DNAI7: variants seen among roughly 807,000 people sequenced by gnomAD.
The protein encoded by DNAI7 is dynein axonemal intermediate chain 7, also known as cancer susceptibility 1.
In DNAI7, 78 loss-of-function variants were observed where a neutral mutation model predicts 86.6. The ratio of observed to expected loss-of-function variants is 0.90; its 90% confidence interval spans 0.75 to 1.09. The LOEUF (loss-of-function observed/expected upper bound fraction) is 1.09, where lower values mean the gene tolerates loss of function less well. DNAI7 is among the 50% of genes least tolerant of loss of function. DNAI7 has a pLI of 0.00. For missense variants in DNAI7, 753 were observed against 810.2 expected (o/e 0.93, Z 0.86); for synonymous variants, 274 against 273.0 (o/e 1.00, Z -0.04).
chr12:25,145,590 G>T (rs1337912392), intron 8 of DNAI7, among the ~76,000 whole-genome samples: 9 of 151,966 alleles, frequency 5.9e-5, no homozygotes, highest in South Asian at 2.1e-4. Flanking sequence ...CAAAAAGTTG[G>T]TTTTTTTGTT....
intron 2 of DNAI7, among the ~76,000 whole-genome samples, chr12:25,178,648 A>G (rs548173869): frequency 2.0e-5 from 3 of 152,300 alleles, no homozygotes; most frequent in Non-Finnish European, 2.9e-5. Context: ...ACAATATACT[A>G]AAATTTAAAA....
chr12:25,163,989 C>T (rs1011758278), intron 2 of DNAI7, among the ~76,000 whole-genome samples: 1 of 152,214 alleles, frequency 6.6e-6, no homozygotes, highest in African/African-American at 2.4e-5. Flanking sequence ...TGTTTAATCA[C>T]GTGGGGATGG....
At chr12:25,169,632 G>A (rs769526077) in intron 2 of DNAI7, among the ~76,000 whole-genome samples, 5 of 152,192 alleles carry the variant, frequency 3.3e-5, no homozygotes, top group African/African-American at 9.6e-5. Context: ...GGGATCACCT[G>A]AGGTCAGGAG....
chr12:25,184,510 T>C (rs1338370277), intron 2 of DNAI7, among the ~76,000 whole-genome samples: 1 of 152,204 alleles, frequency 6.6e-6, no homozygotes, highest in African/African-American at 2.4e-5. Context: ...TTTTGTTTAT[T>C]GATTAATCAA....
At position 25,129,315 on chromosome 12, in the gene DNAI7, G is replaced by A. The variant is rs370018494; in HGVS notation, c.1003-6029C>T. Among the ~76,000 whole-genome samples, 26 of 152,230 alleles carry A rather than the reference G, an allele frequency of 1.7e-4. No homozygotes were observed. In the East Asian group the frequency reaches 2.9e-3, roughly 17 times the overall value. On this transcript the variant is annotated intron_variant, in intron 9 of 15. Transcript: ENST00000395987. The stretch of plus-strand genomic sequence containing the variant: ...ATTGTTGATTTCTCCTAACTTGTAT[G>A]TAAATTATGAGAGAAGGAGCCTTAT...
chr12:25,171,917 T>A (rs1410528683), intron 2 of DNAI7, among the ~76,000 whole-genome samples: 1 of 152,200 alleles, frequency 6.6e-6, no homozygotes, highest in Admixed American at 6.5e-5. Context: ...CCAGCATCCC[T>A]TTATGATTAA....
intron 2 of DNAI7, among the ~76,000 whole-genome samples, chr12:25,163,482 C>T (rs549147907): frequency 1.1e-4 from 17 of 152,158 alleles, no homozygotes; most frequent in African/African-American, 1.7e-4. Context: ...CCTTTACCTA[C>T]GCAAATCTTA....
chr12:25,114,633 T>C (rs1271943901), intron 13 of DNAI7, 23 bp downstream of exon 13: 22 of 1,512,908 alleles, frequency 1.5e-5, no homozygotes, highest in Non-Finnish European at 1.9e-5. Flanking sequence ...CGATAGTACA[T>C]AACAGCTACA....
chr12:25,154,709 T>C (rs148448643), intron 5 of DNAI7, among the ~76,000 whole-genome samples: 223 of 152,348 alleles, frequency 1.5e-3, no homozygotes, highest in African/African-American at 5.1e-3. Context: ...AAGCATTATT[T>C]ATAAGTAGTT....
At chr12:25,115,562 T>A (rs1468307709) in intron 12 of DNAI7, among the ~76,000 whole-genome samples, 1 of 152,212 alleles carries the variant, frequency 6.6e-6, no homozygotes, top group Non-Finnish European at 1.5e-5. Flanking sequence ...GAAAGGCTAA[T>A]AAGTACTTAA....
In DNAI7 at chr12:25,190,634, A is replaced by C. The variant is rs917017409; in HGVS notation, c.4-3T>G. ...CATACCTTTTTTGCTTTGGGACCCT[A>C]AAAGTTGGAAAACAAAAGAATTGAT... On this transcript the variant is annotated splice_polypyrimidine_tract_variant and splice_region_variant and intron_variant, in intron 1 of 15. Transcript: ENST00000395987. The C allele has an allele frequency of 1.3e-5, 19 of 1,408,610 alleles. No homozygotes were observed. Among genetic ancestry groups the C allele is most frequent in the Non-Finnish European group, 1.6e-5 (17 of 1,031,404 alleles). 87.3% of individuals were successfully genotyped at this position (1,408,610 alleles called of 1,614,324 possible). A position where few individuals can be genotyped will look rare whatever the true frequency, so the allele number is the denominator to read the frequency against.
At chr12:25,156,028 C>G (rs1449949546) in intron 4 of DNAI7, among the ~76,000 whole-genome samples, 1 of 152,050 alleles carries the variant, frequency 6.6e-6, no homozygotes, top group Non-Finnish European at 1.5e-5. Flanking sequence ...CTGCTTGACC[C>G]TGGAGGCAGA....
At chr12:25,113,404 C>T (rs1370256715) in intron 13 of DNAI7, among the ~76,000 whole-genome samples, 4 of 152,030 alleles carry the variant, frequency 2.6e-5, no homozygotes, top group African/African-American at 7.2e-5. Context: ...CGGGTTCAAG[C>T]GATTCTTCCG....
intron 1 of DNAI7, 181 bp downstream of exon 1, chr12:25,194,895 T>A: frequency 1.2e-6 from 2 of 1,614,126 alleles, no homozygotes; most frequent in Non-Finnish European, 1.7e-6. Context: ...CCTGTCCGCC[T>A]GGTCCAGGTA....
chr12:25,132,260 C>T (rs1943025045), intron 9 of DNAI7, among the ~76,000 whole-genome samples: 1 of 152,030 alleles, frequency 6.6e-6, no homozygotes, highest in Non-Finnish European at 1.5e-5. Flanking sequence ...TAATATACCA[C>T]CATCCCATCC....
intron 9 of DNAI7, among the ~76,000 whole-genome samples, chr12:25,142,976 G>T (rs183449429): frequency 3.9e-5 from 6 of 152,182 alleles, no homozygotes; most frequent in Admixed American, 3.9e-4. Context: ...CTCTAGTAAA[G>T]CTTCTAAACT....
At chr12:25,112,958 G>T (rs1318397694) in intron 13 of DNAI7, among the ~76,000 whole-genome samples, 1 of 152,156 alleles carries the variant, frequency 6.6e-6, no homozygotes, top group Non-Finnish European at 1.5e-5. Flanking sequence ...AACGCACACT[G>T]AACAGTCTTG....
At chr12:25,159,441 A>T (rs1035419884) in intron 3 of DNAI7, among the ~76,000 whole-genome samples, 1 of 152,138 alleles carries the variant, frequency 6.6e-6, no homozygotes, top group Non-Finnish European at 1.5e-5. Context: ...AAAGAAAAAA[A>T]AAAAGAAAGA....
chr12:25,109,352 G>GT (rs1157521557), intron 15 of DNAI7, among the ~76,000 whole-genome samples: 3 of 152,302 alleles, frequency 2.0e-5, no homozygotes, highest in Middle Eastern at 3.4e-3. Context: ...GAGAGGGGCT[G>GT]TAAGTCACAG....
Sources: gnomAD v4.1 joint callset for allele counts (sites outside exome capture counted in the v4.1 genomes callset) on GRCh38, gnomAD v4.1.1 for gene constraint, MANE v1.5 for transcripts, NCBI Gene and HGNC (gene_info 2026-07-23, HGNC 2026-07-21) for gene names.